Variants in DYNC1H1 observed in about 807,000 individuals in gnomAD.
DYNC1H1 encodes the protein cytoplasmic dynein 1 heavy chain 1.
In DYNC1H1, 51 loss-of-function variants were observed where a neutral mutation model predicts 527.1. The ratio of observed to expected loss-of-function variants is 0.10; its 90% CI spans 0.08 to 0.12. DYNC1H1 has a LOEUF of 0.12. DYNC1H1 is among the 10% of genes least tolerant of loss of function. The probability of loss-of-function intolerance (pLI) is 1.00; values close to 1 mark genes in which losing one functional copy is unlikely to be tolerated. For missense variants in DYNC1H1, 2,771 were observed against 5,971.8 expected, an observed-to-expected ratio of 0.46 and a Z score of 17.66; for synonymous variants, 2,189 against 2,278.8, an observed-to-expected ratio of 0.96 and a Z score of 1.12.
At chr14:102,009,793 G>GTTT in intron 29 of DYNC1H1, 50 bp from the exon 30 acceptor site, 1 of 1,254,890 alleles carries the variant, frequency 8.0e-7, no homozygotes, top group Non-Finnish European at 1.1e-6. Flanking sequence ...AATGCATTTT[G>GTTT]TTTTTTTTTT....
At position 102,029,532 on chromosome 14, in the gene DYNC1H1, C is replaced by T; in HGVS notation, c.9469-7C>T. 1 of 1,614,116 alleles carries T rather than the reference C, an allele frequency of 6.2e-7. No individual in the cohort carries two copies. The highest frequency in any genetic ancestry group is 1.1e-5 in the South Asian group (1 of 91,082). On this transcript the variant is annotated splice_polypyrimidine_tract_variant and splice_region_variant and intron_variant, in intron 48 of 77. Coordinates refer to ENST00000360184, the MANE Select transcript of DYNC1H1 (RefSeq NM_001376.5). This position sits in a 1 kb window ranked among gnomAD's most constrained non-coding sequence, Gnocchi z 5.3. ...AAGAGTGAGAAGATGTAACTATTTT[C>T]TGAAAGGCGAATGCTCGGCTAGCAA...
Position 102,000,160 on chromosome 14 carries a change from G to C in DYNC1H1, c.3960+16G>C. 1 of 1,614,176 alleles carries C rather than the reference G, an allele frequency of 6.2e-7. No homozygotes were observed. Among genetic ancestry groups the C allele is most frequent in the South Asian group, 1.1e-5 (1 of 91,074 alleles). ...GCGCGTGCAGGTATGAACCACTGGG[G>C]AGTGGGTGGAGAATCCCGCTCCCCA... On this transcript the variant is annotated intron_variant, in intron 17 of 77. Coordinates refer to ENST00000360184, the MANE Select transcript of DYNC1H1 (RefSeq NM_001376.5).
intron 29 of DYNC1H1, among the ~76,000 whole-genome samples, chr14:102,009,102 G>C (rs181388401): frequency 6.6e-6 from 1 of 152,266 alleles, no homozygotes; most frequent in East Asian, 1.9e-4. Flanking sequence ...ATCACGATAG[G>C]AGCAGCTGTC....
At position 101,983,087 on chromosome 14, in the gene DYNC1H1, T is replaced by A; in HGVS notation, c.1030T>A (p.Leu344Met). Residue 344 changes from leucine (L) to methionine (M), a missense_variant, in exon 6 of 78, where the codon TTG becomes ATG. Coordinates refer to ENST00000360184, the MANE Select transcript of DYNC1H1 (RefSeq NM_001376.5). This position sits in a 1 kb window ranked among gnomAD's most constrained non-coding sequence, Gnocchi z 5.3. ...PLMKDFPLND[L>M]LSATELDKIR... is the part of the protein sequence containing the mutation. The stretch of plus-strand genomic sequence containing the variant: ...GATGAAAGATTTCCCTCTGAATGAT[T>A]TGCTGTCTGCCACGGAGCTGGACAA... 1 of 1,614,224 alleles carries A rather than the reference T, an allele frequency of 6.2e-7. No homozygotes were observed. The highest frequency in any genetic ancestry group is 1.6e-4 in the Middle Eastern group (1 of 6,062).
Position 102,033,589 on chromosome 14 carries a change from C to A in DYNC1H1, c.10413+105C>A. The A allele has an allele frequency of 6.9e-7, 1 of 1,446,658 alleles. No individual in the cohort carries two copies. 89.6% of individuals were successfully genotyped at this position (1,446,658 alleles called of 1,614,324 possible). A position where few individuals can be genotyped will look rare whatever the true frequency, so the allele number is the denominator to read the frequency against. On this transcript the variant is annotated intron_variant, in intron 54 of 77. Coordinates refer to ENST00000360184, the MANE Select transcript of DYNC1H1 (RefSeq NM_001376.5). The surrounding 1 kb of genome is among the most constrained non-coding windows in gnomAD (Gnocchi z 5.6). Reference sequence around the variant, plus strand: ...CCATGCTGGCCTCGGTGAATTCGCTCTTTAACATCTGTAAGGCCCCGGAGG... The same window carrying A: ...CCATGCTGGCCTCGGTGAATTCGCTATTTAACATCTGTAAGGCCCCGGAGG...
rs770803375 is a variant in DYNC1H1, at chr14:102,015,875, C to T, written c.7262C>T (p.Thr2421Met). The T allele has an allele frequency of 4.3e-6, 7 of 1,614,218 alleles. No homozygotes were observed. The highest frequency in any genetic ancestry group is 3.3e-5 in the Admixed American group (2 of 60,024). ...PMLQIQRDAATIMQPYFTSNG... is the reference protein window; with the variant it reads ...PMLQIQRDAAMIMQPYFTSNG... ...TTCTAGATCCAAAGAGATGCAGCTA[C>T]GATCATGCAACCGTACTTCACGTCC... The change falls in exon 36 of 78, where the codon ACG (threonine) becomes ATG (methionine). Residue 2421 changes from threonine to methionine, a missense_variant. Thr to Met is a moderately conservative substitution (Grantham distance 81). Coordinates refer to ENST00000360184, the MANE Select transcript of DYNC1H1 (RefSeq NM_001376.5). The surrounding 1 kb of genome is among the most constrained non-coding windows in gnomAD (Gnocchi z 6.9).
In DYNC1H1 at chr14:102,034,449, A is replaced by G. The variant is rs774439464; in HGVS notation, c.10751A>G (p.Asn3584Ser). 2.0e-5 allele frequency: 33 copies of G among 1,612,616 alleles called. No homozygotes were observed. Among genetic ancestry groups the G allele is most frequent in the Non-Finnish European group, 2.7e-5 (32 of 1,180,030 alleles). Residue 3584 changes from asparagine to serine, a missense_variant, in exon 56 of 78, where the codon AAT becomes AGT. By Grantham distance (46) the Asn-to-Ser change is conservative. Around this residue, in one of 32 missense-constraint regions of DYNC1H1, gnomAD observed 283 missense variants for 737.6 expected, o/e 0.38. Transcript: ENST00000360184. Reference sequence around the variant, plus strand: ...AATGCCATCATGCTGAAACGATTCAATAGGTATGAGCTCGGGTGCCAAGGA... The same window carrying G: ...AATGCCATCATGCTGAAACGATTCAGTAGGTATGAGCTCGGGTGCCAAGGA... Reference protein sequence around the residue: ...TENAIMLKRFNRYPLIIDPSG... With the variant: ...TENAIMLKRFSRYPLIIDPSG...
At chr14:102,026,976 G>C in intron 44 of DYNC1H1, 198 bp from the exon 45 acceptor site, 1 of 793,820 alleles carries the variant, frequency 1.3e-6, no homozygotes, top group Non-Finnish European at 2.1e-6. Context: ...AGTCTCTCAT[G>C]TCAGTCTAGA....
Position 102,027,337 on chromosome 14 carries a change from G to C in DYNC1H1, c.8887-46G>C. 3 of 1,614,114 alleles carry C rather than the reference G, an allele frequency of 1.9e-6. No homozygotes were observed. The highest frequency in any genetic ancestry group is 2.5e-6 in the Non-Finnish European group (3 of 1,180,022). ...AATCCCAGCAACAGATGTGTGTGCA[G>C]AGCTCAGTGAGTAGGAATGGACCTA... is the stretch of plus-strand genomic sequence containing the variant. On this transcript the variant is annotated intron_variant, in intron 45 of 77. Transcript: ENST00000360184. The surrounding 1 kb of genome is among the most constrained non-coding windows in gnomAD (Gnocchi z 7.7).
chr14:101,981,884 T>C (rs2047869430), intron 5 of DYNC1H1, among the ~76,000 whole-genome samples: 1 of 152,222 alleles, frequency 6.6e-6, no homozygotes, highest in Non-Finnish European at 1.5e-5. Context: ...GCCATGAATG[T>C]AAAACTTAAA....
intron 52 of DYNC1H1, chr14:102,032,695 A>G: frequency 4.8e-6 from 3 of 624,928 alleles, no homozygotes; most frequent in Non-Finnish European, 5.6e-6. Flanking sequence ...CTACAAAAAA[A>G]TACAAAAATG....
rs1443971249 is a variant in DYNC1H1 at position 102,033,298 on chromosome 14, G to A, written c.10227G>A (p.Val3409=). 4 of 1,614,074 alleles carry A rather than the reference G, an allele frequency of 2.5e-6. No homozygotes were observed. The Admixed American group carries it at 5.0e-5, about 20-fold the overall frequency. Residue 3409 remains valine (V), a synonymous_variant, in exon 54 of 78, where the codon GTG becomes GTA. Transcript: ENST00000360184. This position sits in a 1 kb window ranked among gnomAD's most constrained non-coding sequence, Gnocchi z 5.6. ...QLNYADMLKR[V]EPLRNELQKL... is the part of the protein sequence containing the mutation. ...ACTATGCAGACATGTTAAAGAGAGTGGAGCCCCTACGCAATGAGCTGCAGA... is the reference window on the plus strand; with the variant it reads ...ACTATGCAGACATGTTAAAGAGAGTAGAGCCCCTACGCAATGAGCTGCAGA...
chr14:102,010,624 G>T lies in DYNC1H1; in HGVS notation c.6406-116G>T, dbSNP rs991403883. 5 of 1,506,244 alleles carry T rather than the reference G, an allele frequency of 3.3e-6. No individual in the cohort carries two copies. Among genetic ancestry groups the T allele is most frequent in the African/African-American group, 2.8e-5 (2 of 72,326 alleles). 93.3% of individuals were successfully genotyped at this position (1,506,244 alleles called of 1,614,324 possible). A position where few individuals can be genotyped will look rare whatever the true frequency, so the allele number is the denominator to read the frequency against. On this transcript the variant is annotated intron_variant, in intron 31 of 77. Coordinates refer to ENST00000360184, the MANE Select transcript of DYNC1H1 (RefSeq NM_001376.5). The surrounding 1 kb of genome is among the most constrained non-coding windows in gnomAD (Gnocchi z 6.0). ...GTGAGTCGAGTGCACGAATGTGGGC[G>T]AGTGGTGCTCGCACCCTTTGTTCAC... is the stretch of plus-strand genomic sequence containing the variant.
intron 72 of DYNC1H1, among the ~76,000 whole-genome samples, chr14:102,045,731 C>CT (rs2048709442): frequency 6.6e-6 from 1 of 151,790 alleles, no homozygotes; most frequent in Non-Finnish European, 1.5e-5. Flanking sequence ...TCTTTGTTTC[C>CT]TTTTCACTTA....
At position 102,050,558 on chromosome 14, in the gene DYNC1H1, GAGTA is replaced by G. The variant is rs1449607821; in HGVS notation, c.13938_13941del (p.Ter4647LeufsTer3). 1 of 1,614,110 alleles carries G rather than the reference GAGTA, an allele frequency of 6.2e-7. No individual in the cohort carries two copies. The highest frequency in any genetic ancestry group is 8.5e-7 in the Non-Finnish European group (1 of 1,180,054). ...GCGGGGTGTCGCAGTCTTGTGCACA[GAGTA>G]AACTTTTCTAGCTGCCCCTTTCTGT... On this transcript the variant is annotated frameshift_variant and stop_lost, in exon 78 of 78. Transcript: ENST00000360184. LOFTEE classifies it high-confidence loss of function.
At position 101,987,316 on chromosome 14, in the gene DYNC1H1, C is replaced by G. The variant is rs993605479; in HGVS notation, c.2539-137C>G. The G allele has an allele frequency of 1.0e-4, 98 of 960,196 alleles. No individual in the cohort carries two copies. In the Admixed American group the frequency reaches 1.8e-3, roughly 18 times the overall value. 59.5% of individuals were successfully genotyped at this position (960,196 alleles called of 1,614,324 possible). A position where few individuals can be genotyped will look rare whatever the true frequency, so the allele number is the denominator to read the frequency against. On this transcript the variant is annotated intron_variant, in intron 8 of 77. Transcript: ENST00000360184. The stretch of plus-strand genomic sequence containing the variant: ...GTGGGGATTAGTGTTCTCACCCCAG[C>G]AGCTAGGATTAGCTACTTATGGAAG...
chr14:101,964,590 C>T lies in DYNC1H1; in HGVS notation c.-102C>T. The T allele has an allele frequency of 6.6e-7, 1 of 1,524,502 alleles. No individual in the cohort carries two copies. The allele number at this position is 1,524,502 out of a possible 1,614,324, so 94.4% of individuals were successfully genotyped here. The stretch of plus-strand genomic sequence containing the variant: ...CTCTCCTCAGTCTGCGGTGGGCTAG[C>T]GGACGGTCCGGCTTCCGGCGGCCGT... On this transcript the variant is annotated 5_prime_UTR_variant, in exon 1 of 78. Coordinates refer to ENST00000360184, the MANE Select transcript of DYNC1H1 (RefSeq NM_001376.5). The surrounding 1 kb of genome is among the most constrained non-coding windows in gnomAD (Gnocchi z 5.5).
chr14:101,998,630 G>T (rs1343966170), intron 16 of DYNC1H1, among the ~76,000 whole-genome samples: 1 of 152,152 alleles, frequency 6.6e-6, no homozygotes, highest in East Asian at 1.9e-4. Context: ...ACAAAGATCT[G>T]CTGGTTAATT....
At chr14:102,045,636 CT>C (rs1222823355) in intron 72 of DYNC1H1, among the ~76,000 whole-genome samples, 7 of 149,360 alleles carry the variant, frequency 4.7e-5, no homozygotes, top group Middle Eastern at 3.5e-3. Flanking sequence ...AAATCAGTTT[CT>C]TTTTTTTTTC....
Sources: allele counts gnomAD v4.1 joint callset (sites outside exome capture counted in the v4.1 genomes callset), GRCh38; gene constraint gnomAD v4.1.1; regional missense constraint gnomAD v4.1.1; non-coding constraint Gnocchi (gnomAD v3.1); transcripts MANE v1.5; gene names NCBI Gene and HGNC (gene_info 2026-07-23, HGNC 2026-07-21).